PKM: variants seen among roughly 807,000 people sequenced by gnomAD.
PKM encodes pyruvate kinase PKM.
In PKM, 18 loss-of-function variants were observed where a neutral mutation model predicts 49.8. That is an observed-to-expected ratio of 0.36 (90% CI 0.25 to 0.54). The LOEUF is 0.54. Among genes scored for constraint, PKM ranks in the 20% least tolerant of loss-of-function variants. PKM has a pLI of 0.89. For missense variants in PKM, 508 were observed against 713.8 expected (o/e 0.71, Z 3.28); for synonymous variants, 239 against 261.8 (o/e 0.91, Z 0.84).
At chr15:72,201,497 A>T (rs1379961013) in intron 9 of PKM, 1 of 152,272 alleles carries the variant, frequency 6.6e-6, no homozygotes. Flanking sequence ...CACAGCAGAG[A>T]AGTCCCTGCA....
chr15:72,207,142 G>A lies in PKM; in HGVS notation c.972C>T (p.Val324=). 1 of 1,613,790 alleles carries A rather than the reference G, an allele frequency of 6.2e-7. No homozygotes were observed. Among genetic ancestry groups the A allele is most frequent in the Non-Finnish European group, 8.5e-7 (1 of 1,180,004 alleles). ...IGRCNRAGKP[V]ICATQMLESM... is the part of the protein sequence containing the mutation. ...GGGCACATGCCTGAGTAGCACAGAT[G>A]ACAGGCTTCCCAGCTCGGTTGCACC... Residue 324 remains valine (V), a synonymous_variant, in exon 7 of 11, where the codon GTC becomes GTT. Transcript: ENST00000335181.
At chr15:72,217,279 G>A in intron 3 of PKM, 130 bp downstream of exon 3, 1 of 705,824 alleles carries the variant, frequency 1.4e-6, no homozygotes, top group East Asian at 2.6e-5. Flanking sequence ...GGCTAGTAAA[G>A]ACAAACTTCA....
chr15:72,206,085 G>GC (rs1369941259), intron 8 of PKM, among the ~76,000 whole-genome samples: 1 of 152,218 alleles, frequency 6.6e-6, no homozygotes, highest in Non-Finnish European at 1.5e-5. Flanking sequence ...CTGTGGCCCT[G>GC]CCACCAGTCA....
chr15:72,227,656 G>T (rs755406786), intron 1 of PKM, among the ~76,000 whole-genome samples: 1 of 145,594 alleles, frequency 6.9e-6, no homozygotes, highest in Non-Finnish European at 1.5e-5. Flanking sequence ...TGAGGCAGGA[G>T]AATTGCTTGA....
chr15:72,221,385 A>C, intron 1 of PKM: 1 of 639,056 alleles, frequency 1.6e-6, no homozygotes, highest in Non-Finnish European at 2.7e-6. Context: ...GCTGCTCTAG[A>C]GATTCCACTG....
chr15:72,206,996 A>T, intron 7 of PKM, 116 bp from the exon 8 acceptor site: 2 of 1,475,318 alleles, frequency 1.4e-6, no homozygotes, highest in Non-Finnish European at 1.9e-6. Flanking sequence ...TTGTGTAGGT[A>T]CATGGGGGAA....
intron 3 of PKM, among the ~76,000 whole-genome samples, chr15:72,214,863 AT>A (rs1243216508): frequency 6.6e-6 from 1 of 152,150 alleles, no homozygotes; most frequent in African/African-American, 2.4e-5. Context: ...TTCAGCAAGA[AT>A]GCATCTTGCC....
chr15:72,199,777 T>C, intron 10 of PKM, 21 bp from the exon 11 acceptor site: 3 of 1,570,882 alleles, frequency 1.9e-6, no homozygotes, highest in Non-Finnish European at 2.6e-6. Context: ...AGAAGGGAGG[T>C]TGGTGAGTAA....
At chr15:72,214,521 TGTGGTGGC>T (rs2082329529) in intron 3 of PKM, among the ~76,000 whole-genome samples, 1 of 152,086 alleles carries the variant, frequency 6.6e-6, no homozygotes, top group Non-Finnish European at 1.5e-5. Flanking sequence ...CTAGGCCAGG[TGTGGTGGC>T]TCACGCCTGT....
At chr15:72,212,931 C>T (rs1302398211) in intron 3 of PKM, among the ~76,000 whole-genome samples, 1 of 151,862 alleles carries the variant, frequency 6.6e-6, no homozygotes, top group Non-Finnish European at 1.5e-5. Flanking sequence ...CAAAATTAGC[C>T]GGGCGTGGTA....
At chr15:72,226,593 A>G (rs2082677269) in intron 1 of PKM, among the ~76,000 whole-genome samples, 1 of 152,236 alleles carries the variant, frequency 6.6e-6, no homozygotes, top group Non-Finnish European at 1.5e-5. Context: ...AGTAAACTGA[A>G]GATGTTTGGA....
Position 72,200,073 on chromosome 15 carries a change from C to T in PKM, c.1490-317G>A, listed in dbSNP as rs1048591236. Among the ~76,000 whole-genome samples, 6 of 151,968 alleles carry T rather than the reference C, an allele frequency of 3.9e-5. No homozygotes were observed. The highest frequency in any genetic ancestry group is 8.8e-5 in the Non-Finnish European group (6 of 67,982). ...CTACCTTATACAGGGACAATGGCCA[C>T]ATCAGTACGTAATCTGTGTATGCCA... On this transcript the variant is annotated intron_variant, in intron 10 of 10. Transcript: ENST00000335181. The surrounding 1 kb of genome is among the most constrained non-coding windows in gnomAD (Gnocchi z 4.6).
chr15:72,230,226 C>A (rs979222180), intron 1 of PKM, among the ~76,000 whole-genome samples: 3 of 152,202 alleles, frequency 2.0e-5, no homozygotes, highest in African/African-American at 7.2e-5. Context: ...GGCACCGCGC[C>A]GCAGGGGCAA....
intron 1 of PKM, chr15:72,229,541 C>T: frequency 7.8e-7 from 1 of 1,286,282 alleles, no homozygotes; most frequent in Non-Finnish European, 1.0e-6. Flanking sequence ...CAAGGGATGC[C>T]CTTACATGAC....
chr15:72,200,112 G>A lies in PKM; in HGVS notation c.1490-356C>T, dbSNP rs914759301. ...CTGTGTATGCCACCCCACAGCACAG[G>A]AGCTGTGGCCAATTTTATTTAAAAA... On this transcript the variant is annotated intron_variant, in intron 10 of 10. Coordinates refer to ENST00000335181, the MANE Select transcript of PKM (RefSeq NM_002654.6). The surrounding 1 kb of genome is among the most constrained non-coding windows in gnomAD (Gnocchi z 4.6). Among the ~76,000 whole-genome samples, 13 of 151,652 alleles carry A rather than the reference G, an allele frequency of 8.6e-5. No homozygotes were observed. Among genetic ancestry groups the A allele is most frequent in the African/African-American group, 2.9e-4 (12 of 41,214 alleles).
At chr15:72,205,444 C>T in intron 8 of PKM, among the ~76,000 whole-genome samples, 1 of 152,086 alleles carries the variant, frequency 6.6e-6, no homozygotes, top group South Asian at 2.1e-4. Flanking sequence ...ATGGGGAAAC[C>T]CACTAAGGAT....
chr15:72,209,306 T>G (rs1407832987), intron 5 of PKM, among the ~76,000 whole-genome samples: 1 of 149,964 alleles, frequency 6.7e-6, no homozygotes, highest in African/African-American at 2.5e-5. Flanking sequence ...GAGGCAGAGG[T>G]TGCAGTGAGC....
Position 72,200,971 on chromosome 15 carries a change from C to T in PKM, c.1308-316G>A. ...GGCAGAACCCCTCCTACACCCTGAA[C>T]TCTGACACAGAGAGGCAGCCCTGGC... On this transcript the variant is annotated intron_variant, in intron 9 of 10. Transcript: ENST00000335181. The surrounding 1 kb of genome is among the most constrained non-coding windows in gnomAD (Gnocchi z 4.6). 3.3e-6 allele frequency: 1 copy of T among 302,662 alleles called. No homozygotes were observed. The highest frequency in any genetic ancestry group is 6.3e-6 in the Non-Finnish European group (1 of 159,488). 18.7% of individuals were successfully genotyped at this position (302,662 alleles called of 1,614,324 possible).
rs1596742152 is a variant in PKM, at chr15:72,208,636, T to C, written c.821A>G (p.His274Arg). 6.2e-7 allele frequency: 1 copy of C among 1,614,100 alleles called. No homozygotes were observed. The highest frequency in any genetic ancestry group is 8.5e-7 in the Non-Finnish European group (1 of 1,180,022). ...NIKIISKIEN[H>R]EGVRRFDEIL... ...GGGGACTTGCCTCCGAACCCCCTCATGATTCTCGATTTTGCTGATAATCTT... is the reference window on the plus strand; with the variant it reads ...GGGGACTTGCCTCCGAACCCCCTCACGATTCTCGATTTTGCTGATAATCTT... Residue 274 changes from histidine to arginine, a missense_variant, in exon 6 of 11, where the codon CAT becomes CGT. Physicochemically the swap from His to Arg is conservative, Grantham distance 29 (BLOSUM62 0). Transcript: ENST00000335181.
Sources: allele counts gnomAD v4.1 joint callset (sites outside exome capture counted in the v4.1 genomes callset), GRCh38; gene constraint gnomAD v4.1.1; non-coding constraint Gnocchi (gnomAD v3.1); transcripts MANE v1.5; gene names NCBI Gene and HGNC (gene_info 2026-07-23, HGNC 2026-07-21).